Variants in RALYL observed in about 807,000 individuals in gnomAD.
RALYL encodes the protein RALY RNA binding protein like, also known as RNA-binding Raly-like protein.
Under a neutral mutation model 35.1 loss-of-function variants are expected in RALYL, and 29 were observed. The ratio of observed to expected loss-of-function variants is 0.83; its 90% CI spans 0.61 to 1.13. The LOEUF (loss-of-function observed/expected upper bound fraction) is 1.13. RALYL is among the 50% of genes most tolerant of loss of function. The probability of loss-of-function intolerance (pLI) is 0.00; values close to 1 mark genes in which losing one functional copy is unlikely to be tolerated. For synonymous variants in RALYL, 120 were observed against 127.6 expected, an observed-to-expected ratio of 0.94 and a Z score of 0.40; for missense variants, 359 against 360.4, an observed-to-expected ratio of 1.00 and a Z score of 0.03.
chr8:84,772,211 G>C (rs931266368), intron 2 of RALYL, among the ~76,000 whole-genome samples: 3 of 151,818 alleles, frequency 2.0e-5, no homozygotes, highest in Non-Finnish European at 2.9e-5. Flanking sequence ...CATGTTCATT[G>C]GTCCCTTTCC....
chr8:84,503,451 C>A (rs2056882065), intron 1 of RALYL, among the ~76,000 whole-genome samples: 1 of 151,878 alleles, frequency 6.6e-6, no homozygotes, highest in African/African-American at 2.4e-5. Flanking sequence ...AGCCACCATT[C>A]ATACCCACTT....
intron 2 of RALYL, among the ~76,000 whole-genome samples, chr8:84,670,964 A>T (rs942691040): frequency 2.0e-5 from 3 of 152,218 alleles, no homozygotes; most frequent in African/African-American, 7.2e-5. Flanking sequence ...GTCTCATCTG[A>T]GACAAGGCCA....
At chr8:84,561,749 C>T (rs376962456) in intron 2 of RALYL, among the ~76,000 whole-genome samples, 33 of 151,866 alleles carry the variant, frequency 2.2e-4, no homozygotes, top group African/African-American at 7.7e-4. Context: ...GTAGTGAAGA[C>T]AGCATGGATA....
intron 2 of RALYL, among the ~76,000 whole-genome samples, chr8:84,542,666 C>T (rs575895276): frequency 1.3e-5 from 2 of 152,104 alleles, no homozygotes; most frequent in South Asian, 4.1e-4. Context: ...CCTGAGGCTT[C>T]CCCAGCCCTG....
At chr8:84,631,983 A>AC (rs1210583261) in intron 2 of RALYL, among the ~76,000 whole-genome samples, 6 of 151,550 alleles carry the variant, frequency 4.0e-5, no homozygotes, top group African/African-American at 1.5e-4. Context: ...TTTCCACCCC[A>AC]CCCCCCTGCC....
intron 1 of RALYL, among the ~76,000 whole-genome samples, chr8:84,325,318 G>C (rs5009138): frequency 1.3e-5 from 2 of 152,184 alleles, no homozygotes; most frequent in South Asian, 4.1e-4. Flanking sequence ...AGATTTCCCT[G>C]ATTCTTAATA....
chr8:84,908,880 G>T (rs10095636), intron 8 of RALYL, among the ~76,000 whole-genome samples: 2 of 149,404 alleles, frequency 1.3e-5, no homozygotes, highest in Non-Finnish European at 1.5e-5. Flanking sequence ...TTTTTTTTGC[G>T]CAACTTTCTA....
At chr8:84,352,200 A>G (rs1205488037) in intron 1 of RALYL, among the ~76,000 whole-genome samples, 1 of 150,358 alleles carries the variant, frequency 6.7e-6, no homozygotes, top group Non-Finnish European at 1.5e-5. Flanking sequence ...TGCTAGTAAT[A>G]TAAATCCATT....
rs554249695 is a variant in RALYL at position 84,517,069 on chromosome 8, G to T, written c.-23-12230G>T. 6.6e-5 allele frequency among the ~76,000 whole-genome samples: 10 copies of T among 152,242 alleles called. No individual in the cohort carries two copies. The South Asian group carries it at 2.1e-3, about 32-fold the overall frequency. ...TTGTAATGGTATCAAATTTGTAGAAGAAATTTCTGACATAAATTCTCAAAA... is the reference window on the plus strand; with the variant it reads ...TTGTAATGGTATCAAATTTGTAGAATAAATTTCTGACATAAATTCTCAAAA... On this transcript the variant is annotated intron_variant, in intron 1 of 8. Transcript: ENST00000521268.
At chr8:84,367,139 CTT>C (rs577327966) in intron 1 of RALYL, among the ~76,000 whole-genome samples, 10 of 136,802 alleles carry the variant, frequency 7.3e-5, no homozygotes, top group Non-Finnish European at 9.5e-5. Context: ...TTTCTTTTTT[CTT>C]TTTTTTTTTT....
At chr8:84,207,818 G>GTA (rs1484216678) in intron 1 of RALYL, among the ~76,000 whole-genome samples, 12 of 136,504 alleles carry the variant, frequency 8.8e-5, no homozygotes, top group South Asian at 2.2e-4. Context: ...GTGTGTGTGT[G>GTA]TGTATATATA....
intron 1 of RALYL, among the ~76,000 whole-genome samples, chr8:84,404,123 G>T (rs907336611): frequency 1.3e-5 from 2 of 152,024 alleles, no homozygotes; most frequent in Admixed American, 6.6e-5. Flanking sequence ...TCTCCAAACA[G>T]ATAATTTGAC....
intron 7 of RALYL, among the ~76,000 whole-genome samples, chr8:84,887,395 T>C (rs1843070185): frequency 6.6e-6 from 1 of 152,228 alleles, no homozygotes; most frequent in South Asian, 2.1e-4. Context: ...TTCTGTTAAA[T>C]AAATATGCTT....
intron 1 of RALYL, among the ~76,000 whole-genome samples, chr8:84,445,683 C>A (rs2048777114): frequency 6.6e-6 from 1 of 151,416 alleles, no homozygotes; most frequent in African/African-American, 2.4e-5. Flanking sequence ...TATATAGCTT[C>A]ACATTTTGTC....
intron 2 of RALYL, among the ~76,000 whole-genome samples, chr8:84,582,664 G>A (rs1272465694): frequency 6.6e-6 from 1 of 151,902 alleles, no homozygotes. Context: ...TCTAGATGAA[G>A]CAAAGCTGTT....
chr8:84,288,390 G>T (rs745606855), intron 1 of RALYL, among the ~76,000 whole-genome samples: 114 of 152,040 alleles, frequency 7.5e-4, no homozygotes, highest in Non-Finnish European at 1.1e-3. Flanking sequence ...CATCATTGCC[G>T]ATTTTCTCTT....
chr8:84,310,374 C>T (rs1210433652), intron 1 of RALYL, among the ~76,000 whole-genome samples: 2 of 151,358 alleles, frequency 1.3e-5, no homozygotes, highest in Admixed American at 1.3e-4. Context: ...AATTGGCTAA[C>T]CCAACAGAGA....
intron 1 of RALYL, among the ~76,000 whole-genome samples, chr8:84,415,924 G>A (rs1485613755): frequency 3.3e-5 from 5 of 152,176 alleles, no homozygotes; most frequent in Non-Finnish European, 5.9e-5. Flanking sequence ...TCAGATATGA[G>A]TATCTTTTCA....
chr8:84,379,524 A>G (rs2127220), intron 1 of RALYL, among the ~76,000 whole-genome samples: 58,576 of 151,720 alleles, frequency 0.39, 11,877 homozygotes, highest in East Asian at 0.5. Flanking sequence ...TCTGGAATAA[A>G]CCTAGCGAAA....
Sources: gnomAD v4.1 joint callset for allele counts (sites outside exome capture counted in the v4.1 genomes callset) on GRCh38, gnomAD v4.1.1 for gene constraint, MANE v1.5 for transcripts, NCBI Gene and HGNC (gene_info 2026-07-23, HGNC 2026-07-21) for gene names.